Variants in HNMT observed in about 807,000 individuals in gnomAD.
HNMT encodes histamine N-methyltransferase.
HNMT carries 30 observed loss-of-function variants against 32.1 expected under a neutral mutation model. That is an observed-to-expected ratio of 0.93 (90% CI 0.70 to 1.27). HNMT has a LOEUF of 1.27. Ranked by LOEUF, HNMT falls within the 50% of genes most tolerant of loss-of-function variation. HNMT has a pLI of 0.00. For synonymous variants in HNMT, 125 were observed against 119.0 expected, an observed-to-expected ratio of 1.05 and a Z score of -0.33; for missense variants, 327 against 346.0, an observed-to-expected ratio of 0.95 and a Z score of 0.43.
At chr2:137,978,328 A>G (rs1205180320) in intron 2 of HNMT, among the ~76,000 whole-genome samples, 1 of 147,198 alleles carries the variant, frequency 6.8e-6, no homozygotes, top group Non-Finnish European at 1.5e-5. Context: ...ATAATATTAC[A>G]TAATTATATA....
intron 2 of HNMT, among the ~76,000 whole-genome samples, chr2:137,972,890 A>G (rs1374418701): frequency 1.3e-5 from 2 of 152,230 alleles, no homozygotes; most frequent in Non-Finnish European, 2.9e-5. Context: ...CCAGATGCTT[A>G]TAAGCTATCT....
At chr2:137,974,561 C>T (rs1680231175) in intron 2 of HNMT, among the ~76,000 whole-genome samples, 1 of 152,138 alleles carries the variant, frequency 6.6e-6, no homozygotes, top group Admixed American at 6.5e-5. Context: ...AGAAAGCAGT[C>T]ACGGCCAATG....
At chr2:138,000,865 T>G in intron 2 of HNMT, 53 bp from the exon 3 acceptor site, 1 of 983,020 alleles carries the variant, frequency 1.0e-6, no homozygotes, top group Non-Finnish European at 1.5e-6. Flanking sequence ...AAAATTGTTT[T>G]TAATCATTTC....
intron 5 of HNMT, among the ~76,000 whole-genome samples, chr2:138,007,583 T>C (rs1395544608): frequency 6.6e-6 from 1 of 151,986 alleles, no homozygotes; most frequent in East Asian, 1.9e-4. Flanking sequence ...ATCACTCCTT[T>C]ACTCCTGAGG....
At chr2:137,977,962 CT>C (rs1680337226) in intron 2 of HNMT, among the ~76,000 whole-genome samples, 1 of 152,088 alleles carries the variant, frequency 6.6e-6, no homozygotes, top group Non-Finnish European at 1.5e-5. Flanking sequence ...TTGGCCTGGC[CT>C]TGCCAGTCCA....
intron 1 of HNMT, chr2:137,967,536 A>C (rs554843221): frequency 3.2e-4 from 51 of 157,490 alleles, no homozygotes; most frequent in Non-Finnish European, 6.0e-4. Context: ...AGTATTCTGA[A>C]ATTTTAAAAT....
At chr2:137,970,729 G>A (rs1285279646) in intron 2 of HNMT, among the ~76,000 whole-genome samples, 1 of 151,894 alleles carries the variant, frequency 6.6e-6, no homozygotes, top group Non-Finnish European at 1.5e-5. Flanking sequence ...GACCATCCTG[G>A]CTAACGCGGT....
In HNMT at chr2:138,002,195, G is replaced by T; in HGVS notation, c.429+1G>T. 6.5e-7 allele frequency: 1 copy of T among 1,540,142 alleles called. No homozygotes were observed. The highest frequency in any genetic ancestry group is 1.2e-5 in the South Asian group (1 of 84,798). On this transcript the variant is annotated splice_donor_variant, in intron 4 of 5. Coordinates refer to ENST00000280097, the MANE Select transcript of HNMT (RefSeq NM_006895.3). LOFTEE classifies it high-confidence loss of function. ...GTGGGACTTTATTCATATGATTCAA[G>T]TAAGAAATATGTATTATAATATATA... is the stretch of plus-strand genomic sequence containing the variant.
At chr2:138,010,470 CACACACACACACAG>C (rs1448810672) in intron 5 of HNMT, among the ~76,000 whole-genome samples, 12 of 146,692 alleles carry the variant, frequency 8.2e-5, no homozygotes, top group East Asian at 2.0e-4. Flanking sequence ...CACACACACA[CACACACACACACAG>C]CAAATGGAAG....
chr2:138,006,315 G>A (rs1681329883), intron 5 of HNMT, among the ~76,000 whole-genome samples: 1 of 151,950 alleles, frequency 6.6e-6, no homozygotes, highest in Admixed American at 6.6e-5. Context: ...ATTGTAGGCA[G>A]CCTATTCTTG....
At chr2:137,976,592 G>A (rs1680296731) in intron 2 of HNMT, among the ~76,000 whole-genome samples, 1 of 152,122 alleles carries the variant, frequency 6.6e-6, no homozygotes, top group African/African-American at 2.4e-5. Flanking sequence ...TTTGGGAATG[G>A]ATTTTAATTG....
At chr2:137,982,486 T>G (rs752210655) in intron 2 of HNMT, among the ~76,000 whole-genome samples, 20 of 152,322 alleles carry the variant, frequency 1.3e-4, no homozygotes, top group Middle Eastern at 6.8e-3. Context: ...GAATTAATTC[T>G]ATATCTGTGG....
chr2:137,965,270 T>C (rs1483059607), intron 1 of HNMT, among the ~76,000 whole-genome samples: 5 of 152,156 alleles, frequency 3.3e-5, no homozygotes, highest in Admixed American at 6.5e-5. Context: ...ATGTGTTCAA[T>C]TTGTGCCAGA....
At chr2:137,981,107 C>T in intron 2 of HNMT, 9 of 1,279,820 alleles carry the variant, frequency 7.0e-6, no homozygotes, top group Non-Finnish European at 9.3e-6. Flanking sequence ...TTAAATTTTT[C>T]CTGCTGATAA....
chr2:137,983,952 G>A (rs574773746), intron 2 of HNMT, among the ~76,000 whole-genome samples: 20 of 152,246 alleles, frequency 1.3e-4, no homozygotes, highest in African/African-American at 4.8e-4. Flanking sequence ...GGCAGATGTC[G>A]AGGTGACCTA....
intron 2 of HNMT, among the ~76,000 whole-genome samples, chr2:137,986,770 C>G (rs1680663646): frequency 6.6e-6 from 1 of 152,036 alleles, no homozygotes; most frequent in African/African-American, 2.4e-5. Context: ...TAAAAATAAG[C>G]TATAATTCTA....
intron 2 of HNMT, among the ~76,000 whole-genome samples, chr2:137,979,531 C>T (rs1392623999): frequency 6.6e-6 from 1 of 151,962 alleles, no homozygotes; most frequent in Admixed American, 6.6e-5. Flanking sequence ...GGATTATAGG[C>T]GTGAGCCACC....
At chr2:138,013,652 A>C in intron 5 of HNMT, 123 bp from the exon 6 acceptor site, 1 of 690,190 alleles carries the variant, frequency 1.4e-6, no homozygotes. Context: ...ACTCCTTGAA[A>C]TATGAGCTGC....
intron 4 of HNMT, among the ~76,000 whole-genome samples, chr2:138,004,460 TG>T (rs1681273759): frequency 6.6e-6 from 1 of 152,036 alleles, no homozygotes; most frequent in Non-Finnish European, 1.5e-5. Context: ...ATGCAAGCCA[TG>T]GGGAAAAATT....
Sources: gnomAD v4.1 joint callset for allele counts (sites outside exome capture counted in the v4.1 genomes callset) on GRCh38, gnomAD v4.1.1 for gene constraint, MANE v1.5 for transcripts, NCBI Gene and HGNC (gene_info 2026-07-23, HGNC 2026-07-21) for gene names.